Variants in SPOCK3 observed in about 807,000 individuals in gnomAD.
SPOCK3 encodes the protein SPARC (osteonectin), cwcv and kazal like domains proteoglycan 3.
A neutral mutation model predicts 56.6 loss-of-function variants in SPOCK3; 30 were observed. The ratio of observed to expected loss-of-function variants is 0.53; its 90% CI spans 0.40 to 0.72. The LOEUF (loss-of-function observed/expected upper bound fraction) is 0.72, where lower values mean the gene tolerates loss of function less well. SPOCK3 is among the 30% of genes least tolerant of loss of function. SPOCK3 has a pLI of 0.00. For synonymous variants in SPOCK3, 196 were observed against 183.3 expected (o/e 1.07, Z -0.56); for missense variants, 527 against 530.0 (o/e 0.99, Z 0.06).
At chr4:167,053,059 A>G (rs1451935434) in intron 3 of SPOCK3, among the ~76,000 whole-genome samples, 1 of 152,152 alleles carries the variant, frequency 6.6e-6, no homozygotes, top group Non-Finnish European at 1.5e-5. Flanking sequence ...GCAAAAGGAC[A>G]TATCAGGCTG....
intron 6 of SPOCK3, among the ~76,000 whole-genome samples, chr4:166,816,371 G>A (rs1370024950): frequency 6.6e-6 from 1 of 151,958 alleles, no homozygotes; most frequent in Admixed American, 6.6e-5. Flanking sequence ...GGTAATTGGT[G>A]CTAAATACTG....
At chr4:166,743,646 AG>A (rs1735168855) in intron 8 of SPOCK3, among the ~76,000 whole-genome samples, 1 of 152,214 alleles carries the variant, frequency 6.6e-6, no homozygotes, top group African/African-American at 2.4e-5. Flanking sequence ...GAGCCGAAGC[AG>A]GGCGGGACAT....
At chr4:167,094,887 G>A (rs10009507) in intron 2 of SPOCK3, among the ~76,000 whole-genome samples, 6,362 of 152,126 alleles carry the variant, frequency 0.042, 186 homozygotes, top group Middle Eastern at 0.078. Context: ...ATTGGCTCAC[G>A]TGATTATGGA....
chr4:166,797,233 CTTTTTTT>C (rs1028695610), intron 6 of SPOCK3, among the ~76,000 whole-genome samples: 18 of 80,754 alleles, frequency 2.2e-4, no homozygotes, highest in African/African-American at 7.0e-4. Flanking sequence ...TTCCACCTTT[CTTTTTTT>C]TTTTTTTTTT....
chr4:167,121,364 G>A (rs1307218755), intron 2 of SPOCK3, among the ~76,000 whole-genome samples: 4 of 151,430 alleles, frequency 2.6e-5, no homozygotes, highest in Admixed American at 6.6e-5. Flanking sequence ...ATCTCTCTTC[G>A]TGTCAGCAAT....
chr4:166,992,087 A>G (rs1270012872), intron 4 of SPOCK3, among the ~76,000 whole-genome samples: 2 of 152,168 alleles, frequency 1.3e-5, no homozygotes, highest in Admixed American at 1.3e-4. Flanking sequence ...TGAATTGCAA[A>G]TGTTCAAAAC....
At position 166,876,759 on chromosome 4, in the gene SPOCK3, T is replaced by C. The variant is rs1246808331; in HGVS notation, c.589+12371A>G. On this transcript the variant is annotated intron_variant, in intron 6 of 10. Transcript: ENST00000357545. ...GGAAGACTTGTTTTAGTTAAATATT[T>C]AAGTGTAAAAAACATAAAATATATG... is the stretch of plus-strand genomic sequence containing the variant. 2.6e-5 allele frequency among the ~76,000 whole-genome samples: 4 copies of C among 152,252 alleles called. No individual in the cohort carries two copies. The East Asian group carries it at 7.7e-4, about 29-fold the overall frequency.
Position 166,847,683 on chromosome 4 carries a change from G to C in SPOCK3, c.589+41447C>G, listed in dbSNP as rs1473224663. On this transcript the variant is annotated intron_variant, in intron 6 of 10. Coordinates refer to ENST00000357545, the MANE Select transcript of SPOCK3 (RefSeq NM_001040159.2). ...TATATATATATATATATATATATAA[G>C]AATCATGTTTACTTTTTTTTACAGC... 1.3e-3 allele frequency among the ~76,000 whole-genome samples: 27 copies of C among 21,384 alleles called. 1 individual carries two copies. The highest frequency in any genetic ancestry group is 2.9e-3 in the African/African-American group (21 of 7,194). The allele number at this position is 21,384 out of a possible 152,430, so 14.0% of individuals were successfully genotyped here.
chr4:166,743,934 C>G (rs1479010931), intron 8 of SPOCK3, among the ~76,000 whole-genome samples: 2 of 152,140 alleles, frequency 1.3e-5, no homozygotes, highest in East Asian at 1.9e-4. Context: ...TAAGGCTTGA[C>G]TAGGTAAACA....
intron 6 of SPOCK3, among the ~76,000 whole-genome samples, chr4:166,843,177 A>AC (rs1173477629): frequency 8.0e-5 from 12 of 150,334 alleles, no homozygotes; most frequent in Middle Eastern, 3.5e-3. Context: ...CTCCCTCCAC[A>AC]CCCCCCCGCA....
chr4:166,822,993 T>C (rs1298382079), intron 6 of SPOCK3, among the ~76,000 whole-genome samples: 6 of 151,972 alleles, frequency 3.9e-5, no homozygotes, highest in Non-Finnish European at 8.8e-5. Context: ...CAAAAATACA[T>C]ACTTAGGAAG....
At chr4:166,817,582 T>G (rs967111918) in intron 6 of SPOCK3, among the ~76,000 whole-genome samples, 1 of 151,934 alleles carries the variant, frequency 6.6e-6, no homozygotes, top group African/African-American at 2.4e-5. Context: ...AAACACAATA[T>G]CCACTGCTGC....
At chr4:166,991,337 G>GTTTT (rs1426072007) in intron 4 of SPOCK3, among the ~76,000 whole-genome samples, 1 of 116,288 alleles carries the variant, frequency 8.6e-6, no homozygotes, top group African/African-American at 3.1e-5. Context: ...GTGACTTTTT[G>GTTTT]TTTTTATATT....
intron 6 of SPOCK3, among the ~76,000 whole-genome samples, chr4:166,835,606 G>A (rs1560909782): frequency 6.6e-6 from 1 of 151,970 alleles, no homozygotes; most frequent in Non-Finnish European, 1.5e-5. Flanking sequence ...CTGTATTTTA[G>A]CTTCAGTGGG....
chr4:167,166,588 G>A (rs1292342970), intron 2 of SPOCK3, among the ~76,000 whole-genome samples: 2 of 151,986 alleles, frequency 1.3e-5, no homozygotes, highest in Non-Finnish European at 2.9e-5. Context: ...CACCTGTAAG[G>A]CTTTTCAGCA....
At chr4:166,996,611 T>A (rs1748410112) in intron 4 of SPOCK3, among the ~76,000 whole-genome samples, 1 of 152,170 alleles carries the variant, frequency 6.6e-6, no homozygotes, top group Non-Finnish European at 1.5e-5. Context: ...TTATTCATAC[T>A]ACTATTTTCT....
At chr4:167,122,055 A>G (rs181967725) in intron 2 of SPOCK3, among the ~76,000 whole-genome samples, 6 of 136,926 alleles carry the variant, frequency 4.4e-5, no homozygotes, top group Admixed American at 3.6e-4. Context: ...TCCTTCCTCC[A>G]TCCCTCCCTC....
chr4:167,036,357 CT>C (rs1561145076), intron 3 of SPOCK3, among the ~76,000 whole-genome samples: 1 of 152,104 alleles, frequency 6.6e-6, no homozygotes, highest in Admixed American at 6.6e-5. Flanking sequence ...CATGGATGTT[CT>C]TTTTTTCCTT....
chr4:166,956,581 G>T (rs986042529), intron 4 of SPOCK3, among the ~76,000 whole-genome samples: 5 of 152,222 alleles, frequency 3.3e-5, no homozygotes, highest in African/African-American at 9.6e-5. Flanking sequence ...CTTATAAATT[G>T]TTTATTTCTG....
Sources: allele counts gnomAD v4.1 joint callset (sites outside exome capture counted in the v4.1 genomes callset), GRCh38; gene constraint gnomAD v4.1.1; transcripts MANE v1.5; gene names NCBI Gene and HGNC (gene_info 2026-07-23, HGNC 2026-07-21).